DPP6: variants seen among roughly 807,000 people sequenced by gnomAD.
DPP6 encodes A-type potassium channel modulatory protein DPP6.
Under a neutral mutation model 122.6 loss-of-function variants are expected in DPP6, and 69 were observed. That is an observed-to-expected ratio of 0.56 (90% CI 0.46 to 0.69). The LOEUF (loss-of-function observed/expected upper bound fraction) is 0.69. Ranked by LOEUF, DPP6 falls within the 30% of genes least tolerant of loss-of-function variation. DPP6 has a pLI of 0.00. For synonymous variants in DPP6, 418 were observed against 433.1 expected, an observed-to-expected ratio of 0.97 and a Z score of 0.43; for missense variants, 928 against 1,116.9, an observed-to-expected ratio of 0.83 and a Z score of 2.41.
chr7:154,043,612 G>A (rs1799875996), intron 1 of DPP6, among the ~76,000 whole-genome samples: 1 of 150,790 alleles, frequency 6.6e-6, no homozygotes, highest in Non-Finnish European at 1.5e-5. Flanking sequence ...TGATAAAATT[G>A]CCTACTCAAG....
chr7:154,006,863 G>A (rs146788176), intron 1 of DPP6, among the ~76,000 whole-genome samples: 3,269 of 152,300 alleles, frequency 0.021, 111 homozygotes, highest in African/African-American at 0.074. Context: ...GGTTGGTGCT[G>A]CTGGGTATTT....
At chr7:153,880,160 T>A in the DPP6 span, among the ~76,000 whole-genome samples, 1 of 152,226 alleles carries the variant, frequency 6.6e-6, no homozygotes, top group Admixed American at 6.5e-5. Context: ...TACATATAAG[T>A]TCTATCATAA....
chr7:154,061,285 T>TA (rs1801830346), intron 1 of DPP6, among the ~76,000 whole-genome samples: 3 of 148,972 alleles, frequency 2.0e-5, no homozygotes, highest in Non-Finnish European at 4.5e-5. Context: ...TTTCATGAGT[T>TA]ACAAGAAAAT....
the DPP6 span, among the ~76,000 whole-genome samples, chr7:153,802,669 C>T: frequency 1.6e-4 from 24 of 152,136 alleles, no homozygotes; most frequent in East Asian, 3.7e-3. Flanking sequence ...CTTGCCTATT[C>T]GGGAAATGCA....
chr7:154,327,670 C>T (rs1202582169), intron 1 of DPP6, among the ~76,000 whole-genome samples: 2 of 152,144 alleles, frequency 1.3e-5, no homozygotes, highest in African/African-American at 4.8e-5. Flanking sequence ...AACCTCATTT[C>T]CTATACTAAC....
Position 154,853,814 on chromosome 7 carries a change from A to G in DPP6, c.1701A>G (p.Thr567=), listed in dbSNP as rs1367153284. ...PGVPMVTVHN[T]TDKKKMFDLE... ...TTCCTATGGTGACGGTGCACAACAC[A>G]ACAGATAAGAAAAGTAAGTGCTCTT... Residue 567 remains threonine (T), a synonymous_variant, in exon 17 of 26, where the codon ACA becomes ACG. Transcript: ENST00000377770. 1.2e-6 allele frequency: 2 copies of G among 1,613,926 alleles called. No homozygotes were observed. The highest frequency in any genetic ancestry group is 4.5e-5 in the East Asian group (2 of 44,882).
chr7:154,807,311 G>C (rs544249479), intron 16 of DPP6, among the ~76,000 whole-genome samples, 199 bp downstream of exon 16: 1 of 152,148 alleles, frequency 6.6e-6, no homozygotes, highest in African/African-American at 2.4e-5. Flanking sequence ...GTGCAGTGGG[G>C]CTACTTTACG....
At chr7:154,413,221 CT>C (rs1371714269) in intron 1 of DPP6, among the ~76,000 whole-genome samples, 1 of 152,220 alleles carries the variant, frequency 6.6e-6, no homozygotes, top group Admixed American at 6.5e-5. Flanking sequence ...CCAGTCTCTT[CT>C]ACTTAGTTTA....
chr7:153,848,151 A>G, the DPP6 span, among the ~76,000 whole-genome samples: 1 of 152,156 alleles, frequency 6.6e-6, no homozygotes, highest in South Asian at 2.1e-4. Context: ...TGAGGCCCTG[A>G]CAAGCTAGCG....
At chr7:154,169,402 T>C (rs1452868301) in intron 1 of DPP6, among the ~76,000 whole-genome samples, 1 of 152,154 alleles carries the variant, frequency 6.6e-6, no homozygotes, top group African/African-American at 2.4e-5. Context: ...TTGGCTCCAC[T>C]TCCACATGAG....
Position 154,333,441 on chromosome 7 carries a change from G to A in DPP6, c.244-112773G>A, listed in dbSNP as rs145725276. Among the ~76,000 whole-genome samples, 13 of 152,226 alleles carry A rather than the reference G, an allele frequency of 8.5e-5. No individual in the cohort carries two copies. In the East Asian group the frequency reaches 2.3e-3, roughly 27 times the overall value. ...TCGTCTGTAATTCTGTACTTAAATC[G>A]TGAACTGCTAGCACTATCGATTAAT... On this transcript the variant is annotated intron_variant, in intron 1 of 25. Coordinates refer to ENST00000377770, the MANE Select transcript of DPP6 (RefSeq NM_130797.4).
intron 1 of DPP6, among the ~76,000 whole-genome samples, chr7:154,063,182 G>C (rs1401280571): frequency 8.2e-6 from 1 of 122,334 alleles, no homozygotes; most frequent in Non-Finnish European, 1.7e-5. Flanking sequence ...CTGGCTGTTA[G>C]TACCCCCATC....
chr7:153,835,722 G>A, the DPP6 span, among the ~76,000 whole-genome samples: 1 of 152,270 alleles, frequency 6.6e-6, no homozygotes, highest in East Asian at 1.9e-4. Flanking sequence ...ATAAAATTGT[G>A]CCAGAACCTA....
At chr7:154,597,664 G>A (rs1833181876) in intron 5 of DPP6, among the ~76,000 whole-genome samples, 3 of 152,046 alleles carry the variant, frequency 2.0e-5, no homozygotes, top group Admixed American at 1.3e-4. Flanking sequence ...GTAACAAAGT[G>A]CTACAGACTG....
rs1393380901 is a variant in DPP6, at chr7:154,058,534, A to G, written c.243+5471A>G. The G allele has an allele frequency of 1.8e-3, 123 of 67,576 alleles. 1 individual carries two copies. Among genetic ancestry groups the G allele is most frequent in the Non-Finnish European group, 2.9e-3 (96 of 33,062 alleles). 4.2% of individuals were successfully genotyped at this position (67,576 alleles called of 1,614,324 possible). The stretch of plus-strand genomic sequence containing the variant: ...CTGAGAGCCAACCCCTGGTTCCCCC[A>G]CTGGCTCTTAGGACCCCCATCGCAG... On this transcript the variant is annotated intron_variant, in intron 1 of 25. Transcript: ENST00000377770.
intron 10 of DPP6, among the ~76,000 whole-genome samples, chr7:154,787,315 T>C (rs1427479403): frequency 6.6e-6 from 1 of 152,234 alleles, no homozygotes; most frequent in East Asian, 1.9e-4. Flanking sequence ...TTCATTTATT[T>C]GGGTTTTTTT....
intron 1 of DPP6, among the ~76,000 whole-genome samples, chr7:153,976,982 C>A (rs547172511): frequency 6.6e-6 from 1 of 152,342 alleles, no homozygotes; most frequent in South Asian, 2.1e-4. Flanking sequence ...GGGGATAGCA[C>A]CCTCTGCTCT....
intron 1 of DPP6, among the ~76,000 whole-genome samples, chr7:153,946,341 T>A (rs1421476337): frequency 6.6e-6 from 1 of 152,162 alleles, no homozygotes; most frequent in African/African-American, 2.4e-5. Context: ...GGCAGAGATT[T>A]CACGGAACTG....
chr7:154,278,305 T>A (rs1232557759), intron 1 of DPP6, among the ~76,000 whole-genome samples: 7 of 152,128 alleles, frequency 4.6e-5, no homozygotes, highest in Admixed American at 4.6e-4. Flanking sequence ...TGAGGAACAG[T>A]TTTCACACTC....
Sources: allele counts gnomAD v4.1 joint callset (sites outside exome capture counted in the v4.1 genomes callset), GRCh38; gene constraint gnomAD v4.1.1; transcripts MANE v1.5; gene names NCBI Gene and HGNC (gene_info 2026-07-23, HGNC 2026-07-21).